HECW1: variants seen among roughly 807,000 people sequenced by gnomAD.
HECW1 encodes the protein E3 ubiquitin-protein ligase HECW1.
A neutral mutation model predicts 182.3 loss-of-function variants in HECW1; 61 were observed. The observed-to-expected ratio is 0.33, with a 90% CI of 0.27 to 0.41. HECW1 has a LOEUF of 0.41. Among genes scored for constraint, HECW1 ranks in the 10% least tolerant of loss-of-function variants. The pLI is 1.00. For synonymous variants in HECW1, 859 were observed against 832.6 expected, an observed-to-expected ratio of 1.03 and a Z score of -0.55; for missense variants, 1,739 against 2,108.9, an observed-to-expected ratio of 0.82 and a Z score of 3.44.
At chr7:43,457,116 C>G (rs1294938053) in intron 13 of HECW1, among the ~76,000 whole-genome samples, 1 of 152,140 alleles carries the variant, frequency 6.6e-6, no homozygotes, top group Non-Finnish European at 1.5e-5. Flanking sequence ...TTGTTTTTAA[C>G]CTGCAAACAA....
intron 2 of HECW1, among the ~76,000 whole-genome samples, chr7:43,169,872 C>G (rs1791504445): frequency 6.6e-6 from 1 of 152,076 alleles, no homozygotes; most frequent in Admixed American, 6.5e-5. Flanking sequence ...TCCCCACCCC[C>G]AGGAGACAAT....
At chr7:43,532,133 A>G (rs2081016352) in intron 24 of HECW1, among the ~76,000 whole-genome samples, 2 of 152,144 alleles carry the variant, frequency 1.3e-5, no homozygotes, top group Non-Finnish European at 2.9e-5. Context: ...CATCTCAGTA[A>G]ATGGCACCCG....
At chr7:43,330,963 T>TTTTATTTATTTA (rs59715518) in intron 5 of HECW1, among the ~76,000 whole-genome samples, 16 of 151,916 alleles carry the variant, frequency 1.1e-4, no homozygotes, top group African/African-American at 3.6e-4. Flanking sequence ...AAGGGAAGTC[T>TTTTATTTATTTA]TTTATTTATT....
At chr7:43,184,658 T>TCACCA (rs1237975959) in intron 2 of HECW1, among the ~76,000 whole-genome samples, 7 of 152,292 alleles carry the variant, frequency 4.6e-5, no homozygotes, top group African/African-American at 1.7e-4. Context: ...GTTGAGTTGA[T>TCACCA]CACCAATGGC....
At chr7:43,123,935 C>G (rs1785906089) in intron 2 of HECW1, among the ~76,000 whole-genome samples, 1 of 152,080 alleles carries the variant, frequency 6.6e-6, no homozygotes, top group Non-Finnish European at 1.5e-5. Flanking sequence ...GTTTAATGAA[C>G]CATTTAAGCT....
intron 2 of HECW1, among the ~76,000 whole-genome samples, chr7:43,143,348 A>G (rs1014506744): frequency 2.0e-5 from 3 of 152,000 alleles, no homozygotes; most frequent in African/African-American, 7.2e-5. Context: ...CAGGGGCTTG[A>G]TCACAGCTAA....
chr7:43,281,976 C>T (rs1803978378), intron 3 of HECW1, among the ~76,000 whole-genome samples: 1 of 152,048 alleles, frequency 6.6e-6, no homozygotes, highest in Admixed American at 6.5e-5. Context: ...TTTTTCGAGT[C>T]CCTCATCCAG....
Position 43,558,507 on chromosome 7 carries a change from C to G in HECW1, c.4710-3308C>G, listed in dbSNP as rs534697720. Among the ~76,000 whole-genome samples, 5 of 152,110 alleles carry G rather than the reference C, an allele frequency of 3.3e-5. No homozygotes were observed. The South Asian group carries it at 6.2e-4, about 19-fold the overall frequency. On this transcript the variant is annotated intron_variant, in intron 29 of 29. Transcript: ENST00000395891. Reference sequence around the variant, plus strand: ...GAAGGCGACTTTGCCCCTCTTCCCCCGCAAGAGGCAGTTGACAATGTCTGG... The same window carrying G: ...GAAGGCGACTTTGCCCCTCTTCCCCGGCAAGAGGCAGTTGACAATGTCTGG...
At chr7:43,215,614 T>C (rs1796374176) in intron 2 of HECW1, among the ~76,000 whole-genome samples, 1 of 152,222 alleles carries the variant, frequency 6.6e-6, no homozygotes. Flanking sequence ...AGTCAGAAAA[T>C]GTTATCACCA....
chr7:43,252,653 C>T (rs1377891278), intron 3 of HECW1, among the ~76,000 whole-genome samples: 1 of 152,160 alleles, frequency 6.6e-6, no homozygotes, highest in Non-Finnish European at 1.5e-5. Context: ...GTTATGAGTT[C>T]CCATAGTCAT....
At chr7:43,470,299 G>A (rs11980937) in intron 16 of HECW1, among the ~76,000 whole-genome samples, 1,542 of 152,258 alleles carry the variant, frequency 0.01, 26 homozygotes, top group African/African-American at 0.035. Context: ...GCTCGGTTTC[G>A]GGTAGCCACG....
intron 3 of HECW1, among the ~76,000 whole-genome samples, chr7:43,275,313 T>G (rs1255876510): frequency 6.6e-6 from 1 of 152,126 alleles, no homozygotes; most frequent in East Asian, 1.9e-4. Context: ...CATAAGTAAA[T>G]CACAATGTTA....
intron 2 of HECW1, among the ~76,000 whole-genome samples, chr7:43,157,606 C>T (rs373744534): frequency 3.3e-5 from 5 of 152,126 alleles, no homozygotes; most frequent in African/African-American, 1.2e-4. Context: ...TGTCACTCAA[C>T]CTGGAGTGCA....
chr7:43,463,443 T>C (rs1450126153), intron 13 of HECW1, among the ~76,000 whole-genome samples: 1 of 152,230 alleles, frequency 6.6e-6, no homozygotes, highest in East Asian at 1.9e-4. Flanking sequence ...TCGCCATACT[T>C]GAAACTCATC....
At chr7:43,132,511 C>A (rs1787063946) in intron 2 of HECW1, among the ~76,000 whole-genome samples, 2 of 151,384 alleles carry the variant, frequency 1.3e-5, no homozygotes, top group South Asian at 4.2e-4. Context: ...CTTCTGTGAA[C>A]AAGAGTTTCC....
intron 26 of HECW1, among the ~76,000 whole-genome samples, chr7:43,542,529 AT>A (rs2081402510): frequency 6.6e-6 from 1 of 151,328 alleles, no homozygotes; most frequent in Non-Finnish European, 1.5e-5. Context: ...TATTATATAT[AT>A]ATAAACAAAT....
At chr7:43,408,125 T>C (rs537208251) in intron 8 of HECW1, among the ~76,000 whole-genome samples, 1 of 152,284 alleles carries the variant, frequency 6.6e-6, no homozygotes, top group Admixed American at 6.5e-5. Flanking sequence ...TATAGCCTTC[T>C]AGACCAGTTT....
intron 2 of HECW1, among the ~76,000 whole-genome samples, chr7:43,138,100 G>C (rs1409870283): frequency 6.6e-6 from 1 of 152,142 alleles, no homozygotes; most frequent in African/African-American, 2.4e-5. Context: ...ATAAAAGTCA[G>C]AATAATAACC....
intron 5 of HECW1, among the ~76,000 whole-genome samples, chr7:43,334,588 TATTTAGAC>T (rs1418996318): frequency 6.6e-6 from 1 of 152,202 alleles, no homozygotes; most frequent in East Asian, 1.9e-4. Flanking sequence ...ACCTGGTACA[TATTTAGAC>T]TTACATTGCT....
Sources: gnomAD v4.1 joint callset for allele counts (sites outside exome capture counted in the v4.1 genomes callset) on GRCh38, gnomAD v4.1.1 for gene constraint, MANE v1.5 for transcripts, NCBI Gene and HGNC (gene_info 2026-07-23, HGNC 2026-07-21) for gene names.